Variants in LINGO2 observed in about 807,000 individuals in gnomAD.
The protein encoded by LINGO2 is leucine rich repeat and Ig domain containing 2, also known as leucine-rich repeat and immunoglobulin-like domain-containing nogo receptor-interacting protein 2.
A neutral mutation model predicts 30.6 loss-of-function variants in LINGO2; 14 were observed. That is an observed-to-expected ratio of 0.46 (90% CI 0.30 to 0.72). The LOEUF (loss-of-function observed/expected upper bound fraction) is 0.72, where lower values mean the gene tolerates loss of function less well. Ranked by LOEUF, LINGO2 falls within the 30% of genes least tolerant of loss-of-function variation. The pLI, the probability that LINGO2 is intolerant of heterozygous loss-of-function variation, is 0.07. For missense variants in LINGO2, 729 were observed against 751.7 expected (o/e 0.97, Z 0.35); for synonymous variants, 317 against 288.5 (o/e 1.10, Z -1.00).
At chr9:28,729,199 G>A in the LINGO2 span, among the ~76,000 whole-genome samples, 2 of 152,026 alleles carry the variant, frequency 1.3e-5, no homozygotes, top group African/African-American at 4.8e-5. Context: ...ACTTCTTAAA[G>A]AATTATCAGC....
intron 1 of LINGO2, among the ~76,000 whole-genome samples, chr9:28,512,636 TAC>T (rs1386783256): frequency 0.031 from 187 of 6,096 alleles, 5 homozygotes; most frequent in Admixed American, 0.2. Flanking sequence ...TATATATATA[TAC>T]ACACATACAT....
the LINGO2 span, among the ~76,000 whole-genome samples, chr9:28,944,468 T>C: frequency 6.6e-6 from 1 of 152,182 alleles, no homozygotes; most frequent in Non-Finnish European, 1.5e-5. Context: ...TGCGATGGCA[T>C]GATCTCGGCT....
chr9:28,512,574 T>A (rs1481899515), intron 1 of LINGO2, among the ~76,000 whole-genome samples: 2 of 128,860 alleles, frequency 1.6e-5, no homozygotes, highest in African/African-American at 6.2e-5. Flanking sequence ...GGGACAGAAC[T>A]AACAGGATAT....
intron 1 of LINGO2, among the ~76,000 whole-genome samples, chr9:28,529,788 T>C (rs1390781108): frequency 6.6e-6 from 1 of 151,940 alleles, no homozygotes; most frequent in Non-Finnish European, 1.5e-5. Flanking sequence ...TACCAGTCTA[T>C]AAATATAAAT....
the LINGO2 span, among the ~76,000 whole-genome samples, chr9:28,880,047 G>A: frequency 1.6e-4 from 25 of 152,074 alleles, no homozygotes; most frequent in East Asian, 2.3e-3. Flanking sequence ...TTTTATTGAC[G>A]ATGTATTAGG....
the LINGO2 span, among the ~76,000 whole-genome samples, chr9:28,730,661 A>G: frequency 2.6e-5 from 4 of 152,194 alleles, no homozygotes; most frequent in Non-Finnish European, 5.9e-5. Flanking sequence ...ATAGAGGTTC[A>G]CTATGACAGT....
Position 28,011,596 on chromosome 9 carries a change from A to G in LINGO2, c.-36+759T>C, listed in dbSNP as rs184490585. 1.1e-4 allele frequency among the ~76,000 whole-genome samples: 16 copies of G among 152,290 alleles called. No individual in the cohort carries two copies. The East Asian group carries it at 2.3e-3, about 22-fold the overall frequency. On this transcript the variant is annotated intron_variant, in intron 5 of 5. Coordinates refer to ENST00000379992, the Ensembl canonical transcript of LINGO2. Reference sequence around the variant, plus strand: ...CAGTAGAAGGTCAGGCAGATGGGTGAAGTTATTTGGGCCACTTTTCTATTC... The same window carrying G: ...CAGTAGAAGGTCAGGCAGATGGGTGGAGTTATTTGGGCCACTTTTCTATTC...
chr9:28,389,091 T>C (rs1258351474), intron 2 of LINGO2, among the ~76,000 whole-genome samples: 1 of 152,188 alleles, frequency 6.6e-6, no homozygotes, highest in African/African-American at 2.4e-5. Flanking sequence ...CCTTAAAATG[T>C]AGCTACAGCC....
At chr9:28,428,745 C>T (rs894032103) in intron 2 of LINGO2, among the ~76,000 whole-genome samples, 19 of 152,072 alleles carry the variant, frequency 1.2e-4, no homozygotes, top group East Asian at 1.9e-4. Context: ...TCAGACACAC[C>T]TGGATTTGAA....
At chr9:28,519,596 G>A (rs1287121569) in intron 1 of LINGO2, among the ~76,000 whole-genome samples, 1 of 152,128 alleles carries the variant, frequency 6.6e-6, no homozygotes, top group Admixed American at 6.5e-5. Context: ...CAGTGATGCT[G>A]CAAAAAGTTA....
At chr9:28,574,186 G>A (rs930235045) in intron 1 of LINGO2, among the ~76,000 whole-genome samples, 2 of 152,138 alleles carry the variant, frequency 1.3e-5, no homozygotes, top group African/African-American at 2.4e-5. Flanking sequence ...GTGAGAAACT[G>A]AAAAATAGTT....
At position 28,665,579 on chromosome 9, in the gene LINGO2, C is replaced by T. The variant is rs371091604; in HGVS notation, c.-365+4621G>A. Reference sequence around the variant, plus strand: ...AAGAAAAACACACCATGAATTACACCATGAATAATATTACTAAATGCAAGC... The same window carrying T: ...AAGAAAAACACACCATGAATTACACTATGAATAATATTACTAAATGCAAGC... On this transcript the variant is annotated intron_variant, in intron 1 of 5. Coordinates refer to ENST00000379992, the Ensembl canonical transcript of LINGO2. Among the ~76,000 whole-genome samples the T allele has an allele frequency of 2.0e-5, 3 of 152,166 alleles. No homozygotes were observed. In the East Asian group the frequency reaches 5.8e-4, roughly 29 times the overall value.
At chr9:29,109,131 T>C in the LINGO2 span, among the ~76,000 whole-genome samples, 1 of 151,828 alleles carries the variant, frequency 6.6e-6, no homozygotes, top group African/African-American at 2.4e-5. Flanking sequence ...ATATTTTGCT[T>C]GTGAGTAATT....
At chr9:28,525,585 C>T (rs2135412124) in intron 1 of LINGO2, among the ~76,000 whole-genome samples, 1 of 152,116 alleles carries the variant, frequency 6.6e-6, no homozygotes, top group East Asian at 1.9e-4. Flanking sequence ...TATTGCAGAT[C>T]CTATTGATAA....
chr9:28,940,238 C>T, the LINGO2 span, among the ~76,000 whole-genome samples: 1 of 152,118 alleles, frequency 6.6e-6, no homozygotes, highest in Admixed American at 6.6e-5. Flanking sequence ...GTTGCTCTGT[C>T]AGGTGAGTTC....
the LINGO2 span, among the ~76,000 whole-genome samples, chr9:28,875,769 G>C: frequency 1.4e-4 from 22 of 152,104 alleles, no homozygotes; most frequent in Non-Finnish European, 2.5e-4. Flanking sequence ...ATTCCAGAAA[G>C]GTGCTATTGA....
chr9:29,068,742 C>A, the LINGO2 span, among the ~76,000 whole-genome samples: 2 of 151,682 alleles, frequency 1.3e-5, no homozygotes, highest in Non-Finnish European at 3.0e-5. Flanking sequence ...TGAATAGAAA[C>A]CAACACACAG....
the LINGO2 span, among the ~76,000 whole-genome samples, chr9:28,688,343 T>C: frequency 1.3e-5 from 2 of 152,148 alleles, no homozygotes; most frequent in Non-Finnish European, 2.9e-5. Flanking sequence ...AAGAACAAGC[T>C]CAGAAGTTAT....
At chr9:28,380,035 T>C (rs1163773654) in intron 2 of LINGO2, among the ~76,000 whole-genome samples, 1 of 152,044 alleles carries the variant, frequency 6.6e-6, no homozygotes, top group Non-Finnish European at 1.5e-5. Flanking sequence ...TTCTTTTTAT[T>C]TACAGATTAT....
Sources: allele counts gnomAD v4.1 joint callset (sites outside exome capture counted in the v4.1 genomes callset), GRCh38; gene constraint gnomAD v4.1.1; transcripts MANE v1.5; gene names NCBI Gene and HGNC (gene_info 2026-07-23, HGNC 2026-07-21).